Variants in ST6GALNAC3 observed in about 807,000 individuals in gnomAD.
ST6GALNAC3 encodes the protein ST6 N-acetylgalactosaminide alpha-2,6-sialyltransferase 3.
ST6GALNAC3 carries 25 observed loss-of-function variants against 32.7 expected under a neutral mutation model. That is an observed-to-expected ratio of 0.76 (90% CI 0.56 to 1.07). The LOEUF (loss-of-function observed/expected upper bound fraction) is 1.07, where lower values mean the gene tolerates loss of function less well. Among genes scored for constraint, ST6GALNAC3 ranks in the 50% least tolerant of loss-of-function variants. ST6GALNAC3 has a pLI of 0.00. For synonymous variants in ST6GALNAC3, 129 were observed against 133.1 expected (o/e 0.97, Z 0.21); for missense variants, 355 against 382.4 (o/e 0.93, Z 0.60).
intron 1 of ST6GALNAC3, among the ~76,000 whole-genome samples, chr1:76,262,523 C>A (rs1348165817): frequency 1.3e-5 from 2 of 152,132 alleles, no homozygotes; most frequent in Non-Finnish European, 2.9e-5. Flanking sequence ...ATATTTGGAT[C>A]ATCTAAGTAA....
intron 1 of ST6GALNAC3, among the ~76,000 whole-genome samples, chr1:76,207,766 G>T (rs920410988): frequency 6.6e-6 from 1 of 152,158 alleles, no homozygotes; most frequent in Non-Finnish European, 1.5e-5. Context: ...CATACCAGGT[G>T]GTTACCCACA....
chr1:76,238,056 G>A (rs1656756883), intron 1 of ST6GALNAC3, among the ~76,000 whole-genome samples: 1 of 152,152 alleles, frequency 6.6e-6, no homozygotes, highest in Non-Finnish European at 1.5e-5. Flanking sequence ...TGTGGATGGG[G>A]GCTGGGCTGA....
At chr1:76,124,244 G>T (rs1234634768) in intron 1 of ST6GALNAC3, among the ~76,000 whole-genome samples, 2 of 150,464 alleles carry the variant, frequency 1.3e-5, no homozygotes, top group Non-Finnish European at 3.0e-5. Context: ...TGGGGAGACT[G>T]CCTTGCTGCT....
At chr1:76,539,866 G>A (rs1456605188) in intron 3 of ST6GALNAC3, among the ~76,000 whole-genome samples, 1 of 152,192 alleles carries the variant, frequency 6.6e-6, no homozygotes, top group Non-Finnish European at 1.5e-5. Context: ...ATAGATGTTG[G>A]TGAGGCTGAG....
intron 1 of ST6GALNAC3, among the ~76,000 whole-genome samples, chr1:76,100,874 C>A (rs1327518694): frequency 6.6e-6 from 1 of 151,026 alleles, no homozygotes; most frequent in Admixed American, 6.6e-5. Context: ...TTTTTAATGC[C>A]AGTTTTAGAT....
At chr1:76,080,913 G>A (rs1646885511) in intron 1 of ST6GALNAC3, among the ~76,000 whole-genome samples, 1 of 152,214 alleles carries the variant, frequency 6.6e-6, no homozygotes, top group Non-Finnish European at 1.5e-5. Context: ...CAGTCTTACA[G>A]TGACTGAGCA....
chr1:76,119,442 T>C lies in ST6GALNAC3; in HGVS notation c.18+44558T>C, dbSNP rs145695397. Among the ~76,000 whole-genome samples, 11 of 152,342 alleles carry C rather than the reference T, an allele frequency of 7.2e-5. No individual in the cohort carries two copies. The East Asian group carries it at 2.1e-3, about 29-fold the overall frequency. The stretch of plus-strand genomic sequence containing the variant: ...GCCATGTTCCATTGAGGGTCGTATT[T>C]AAGAGAGCTGTGGCCAAACCTAAGT... On this transcript the variant is annotated intron_variant, in intron 1 of 4. Coordinates refer to ENST00000328299, the MANE Select transcript of ST6GALNAC3 (RefSeq NM_152996.4).
intron 2 of ST6GALNAC3, 49 bp from the exon 3 acceptor site, chr1:76,411,959 G>T: frequency 6.4e-7 from 1 of 1,570,248 alleles, no homozygotes; most frequent in South Asian, 1.2e-5. Flanking sequence ...GAACTTGTTT[G>T]ACTAAGTGGA....
Position 76,438,541 on chromosome 1 carries a change from T to C in ST6GALNAC3, c.623+26124T>C, listed in dbSNP as rs558240115. 1.8e-3 allele frequency among the ~76,000 whole-genome samples: 281 copies of C among 152,374 alleles called. 2 individuals are homozygous for C. Among genetic ancestry groups the C allele is most frequent in the African/African-American group, 6.5e-3 (269 of 41,592 alleles). On this transcript the variant is annotated intron_variant, in intron 3 of 4. Coordinates refer to ENST00000328299, the MANE Select transcript of ST6GALNAC3 (RefSeq NM_152996.4). ...ACATCTGTAGGTTCTGCCTTTCTTA[T>C]ATAAGGTAGGATAAAATCTTTTTAT...
At chr1:76,463,491 G>T (rs946336180) in intron 3 of ST6GALNAC3, among the ~76,000 whole-genome samples, 1 of 152,052 alleles carries the variant, frequency 6.6e-6, no homozygotes, top group Non-Finnish European at 1.5e-5. Context: ...GCTTTTGATC[G>T]GTTGAGCAGC....
At chr1:76,589,790 A>T (rs925543880) in intron 3 of ST6GALNAC3, among the ~76,000 whole-genome samples, 3 of 151,606 alleles carry the variant, frequency 2.0e-5, no homozygotes, top group African/African-American at 7.3e-5. Context: ...TGAACTGGGC[A>T]TTCAGATACC....
intron 1 of ST6GALNAC3, among the ~76,000 whole-genome samples, chr1:76,150,073 C>T (rs1411060259): frequency 1.3e-5 from 2 of 152,216 alleles, no homozygotes; most frequent in Non-Finnish European, 1.5e-5. Context: ...AGACACTGCA[C>T]ATTTCTGGGC....
chr1:76,095,345 CTACTT>C (rs1647112441), intron 1 of ST6GALNAC3, among the ~76,000 whole-genome samples: 1 of 152,008 alleles, frequency 6.6e-6, no homozygotes, highest in African/African-American at 2.4e-5. Flanking sequence ...AATTTGTACT[CTACTT>C]GTTTTGATAT....
intron 3 of ST6GALNAC3, among the ~76,000 whole-genome samples, chr1:76,425,130 A>T (rs1655283433): frequency 6.6e-6 from 1 of 151,978 alleles, no homozygotes; most frequent in South Asian, 2.1e-4. Context: ...CTCTTTGGAG[A>T]AGTTAATTTT....
At chr1:76,223,203 T>C (rs969904064) in intron 1 of ST6GALNAC3, among the ~76,000 whole-genome samples, 3 of 152,158 alleles carry the variant, frequency 2.0e-5, no homozygotes, top group South Asian at 2.1e-4. Flanking sequence ...TGGAATACTA[T>C]GCAGCCATAA....
intron 1 of ST6GALNAC3, among the ~76,000 whole-genome samples, chr1:76,138,840 G>C (rs148076297): frequency 6.6e-6 from 1 of 152,206 alleles, no homozygotes; most frequent in African/African-American, 2.4e-5. Context: ...GCCAAAACCA[G>C]TTTGTAAAGA....
chr1:76,418,407 A>C (rs1448969114), intron 3 of ST6GALNAC3, among the ~76,000 whole-genome samples: 4 of 152,108 alleles, frequency 2.6e-5, no homozygotes, highest in Non-Finnish European at 4.4e-5. Context: ...CAAAACCAAA[A>C]TAAAACAACT....
chr1:76,391,590 C>T (rs1039429214), intron 2 of ST6GALNAC3, among the ~76,000 whole-genome samples: 1 of 41,286 alleles, frequency 2.4e-5, no homozygotes, highest in African/African-American at 8.8e-5. Context: ...TCCCTTTCAC[C>T]TTCCCCTTCC....
chr1:76,142,411 TC>T (rs1388169332), intron 1 of ST6GALNAC3, among the ~76,000 whole-genome samples: 2 of 152,136 alleles, frequency 1.3e-5, no homozygotes, highest in African/African-American at 4.8e-5. Flanking sequence ...CTCCATCACT[TC>T]CTAGGGTGTT....
Sources: gnomAD v4.1 joint callset for allele counts (sites outside exome capture counted in the v4.1 genomes callset) on GRCh38, gnomAD v4.1.1 for gene constraint, MANE v1.5 for transcripts, NCBI Gene and HGNC (gene_info 2026-07-23, HGNC 2026-07-21) for gene names.